The following GPRC6A variants were observed in gnomAD, a reference collection of about 807,000 sequenced individuals.
GPRC6A encodes the protein G protein-coupled receptor family C group 6 member A.
In GPRC6A, 54 loss-of-function variants were observed where a neutral mutation model predicts 47.0. That is an observed-to-expected ratio of 1.15 (90% confidence interval 0.92 to 1.44). The LOEUF is 1.44. Among genes scored for constraint, GPRC6A ranks in the 40% most tolerant of loss-of-function variants. GPRC6A has a pLI of 0.00. For missense variants in GPRC6A, 1,112 were observed against 1,105.5 expected (o/e 1.01, Z -0.08); for synonymous variants, 347 against 377.1 (o/e 0.92, Z 0.93).
chr6:116,818,969 C>T (rs931066402), intron 1 of GPRC6A, among the ~76,000 whole-genome samples: 2,048 of 152,046 alleles, frequency 0.013, 59 homozygotes, highest in African/African-American at 0.046. Context: ...ACCCATCTCA[C>T]GTGCAGAGAC....
chr6:116,804,798 C>G (rs1772787051), intron 3 of GPRC6A, among the ~76,000 whole-genome samples: 1 of 152,038 alleles, frequency 6.6e-6, no homozygotes, highest in African/African-American at 2.4e-5. Flanking sequence ...GGGTGAATAA[C>G]TCTTGCTATT....
At position 116,793,171 on chromosome 6, in the gene GPRC6A, C is replaced by T; in HGVS notation, c.1752G>A (p.Val584=). ...VRSTMCFEKE[V]EYLNWNDSLA... is the part of the protein sequence containing the mutation. ...AGGAGTCATTCCAGTTGAGATATTCCACTTCCTTTTCAAAGCACATAGTGC... is the reference window on the plus strand; with the variant it reads ...AGGAGTCATTCCAGTTGAGATATTCTACTTCCTTTTCAAAGCACATAGTGC... Residue 584 remains valine, a synonymous_variant, in exon 6 of 6, where the codon GTG becomes GTA. Coordinates refer to ENST00000310357, the MANE Select transcript of GPRC6A (RefSeq NM_148963.4). The T allele has an allele frequency of 6.2e-7, 1 of 1,613,094 alleles. No homozygotes were observed. Among genetic ancestry groups the T allele is most frequent in the Admixed American group, 1.7e-5 (1 of 59,948 alleles).
Position 116,793,003 on chromosome 6 carries a change from A to T in GPRC6A, c.1920T>A (p.His640Gln). The T allele has an allele frequency of 6.2e-7, 1 of 1,614,110 alleles. No homozygotes were observed. The highest frequency in any genetic ancestry group is 1.7e-5 in the Admixed American group (1 of 59,996). The part of the protein sequence containing the change: ...LRVCYVILLC[H>Q]FLNFASTSFF... The stretch of plus-strand genomic sequence containing the variant: ...AGCTCGTGCTGGCAAAATTGAGGAA[A>T]TGACAGAGAAGGATCACATAGCAGA... Residue 640 changes from histidine (H) to glutamine (Q), a missense_variant, in exon 6 of 6, where the codon CAT becomes CAA. By Grantham distance (24) the His-to-Gln change is conservative. Coordinates refer to ENST00000310357, the MANE Select transcript of GPRC6A (RefSeq NM_148963.4).
At position 116,800,714 on chromosome 6, in the gene GPRC6A, C is replaced by G; in HGVS notation, c.1418G>C (p.Gly473Ala). The G allele has an allele frequency of 1.2e-6, 2 of 1,611,088 alleles. No individual in the cohort carries two copies. The highest frequency in any genetic ancestry group is 1.7e-6 in the Non-Finnish European group (2 of 1,177,490). Residue 473 changes from glycine to alanine, a missense_variant, in exon 4 of 6, where the codon GGA becomes GCA. Transcript: ENST00000310357. ...CTCCTTCCAGAGCACAACATCATATCCAGTATTTAAATCCCCGTGAGCATC... is the reference window on the plus strand; with the variant it reads ...CTCCTTCCAGAGCACAACATCATATGCAGTATTTAAATCCCCGTGAGCATC... ...HFDAHGDLNT[G>A]YDVVLWKEIN...
chr6:116,822,097 C>G (rs1282585225), intron 1 of GPRC6A, among the ~76,000 whole-genome samples: 1,885 of 143,628 alleles, frequency 0.013, 19 homozygotes, highest in African/African-American at 0.049. Flanking sequence ...GCAGCCAAAA[C>G]ACACATGAAA....
At chr6:116,805,675 A>G (rs1772812541) in intron 3 of GPRC6A, among the ~76,000 whole-genome samples, 1 of 152,074 alleles carries the variant, frequency 6.6e-6, no homozygotes, top group Non-Finnish European at 1.5e-5. Flanking sequence ...AGTTTCCCCA[A>G]ACTAATCAAA....
In GPRC6A at chr6:116,793,028, A is replaced by G. The variant is rs144806246; in HGVS notation, c.1895T>C (p.Val632Ala). Residue 632 changes from valine to alanine, a missense_variant, in exon 6 of 6, where the codon GTC becomes GCC. Physicochemically the swap from Val to Ala is moderately conservative, Grantham distance 64. Coordinates refer to ENST00000310357, the MANE Select transcript of GPRC6A (RefSeq NM_148963.4). ...ATGACAGAGAAGGATCACATAGCAG[A>G]CTCTTAATCCCCCGGATGATTTCAC... ...PVVKSSGGLR[V>A]CYVILLCHFL... 71 of 1,613,820 alleles carry G rather than the reference A, an allele frequency of 4.4e-5. No individual in the cohort carries two copies. The highest frequency in any genetic ancestry group is 5.7e-5 in the Non-Finnish European group (67 of 1,179,958).
At chr6:116,814,995 A>T (rs1184830862) in intron 1 of GPRC6A, among the ~76,000 whole-genome samples, 1 of 152,182 alleles carries the variant, frequency 6.6e-6, no homozygotes, top group Non-Finnish European at 1.5e-5. Flanking sequence ...AGGTCATTAT[A>T]TAATGATAAG....
intron 4 of GPRC6A, among the ~76,000 whole-genome samples, chr6:116,800,005 C>T (rs553657810): frequency 8.5e-5 from 13 of 152,164 alleles, no homozygotes; most frequent in African/African-American, 3.1e-4. Context: ...ATAGAGTTAA[C>T]TGAAATGAGA....
rs1219543900 is a variant in GPRC6A at position 116,800,619 on chromosome 6, C to A, written c.1513G>T (p.Asp505Tyr). The part of the protein sequence containing the change: ...DLQNDVFIIP[D>Y]QETKNEFRNL... The stretch of plus-strand genomic sequence containing the variant: ...CTGAACTCATTTTTTGTTTCCTGAT[C>A]TGGGATGATGAAGACATCATTCTGT... Residue 505 changes from aspartate (D) to tyrosine (Y), a missense_variant, in exon 4 of 6, where the codon GAT becomes TAT. Asp to Tyr is a radical substitution (Grantham distance 160, BLOSUM62 -3). Coordinates refer to ENST00000310357, the MANE Select transcript of GPRC6A (RefSeq NM_148963.4). 2.5e-6 allele frequency: 4 copies of A among 1,613,468 alleles called. No individual in the cohort carries two copies. The highest frequency in any genetic ancestry group is 3.4e-6 in the Non-Finnish European group (4 of 1,179,626).
chr6:116,793,853 G>A (rs1230052923), intron 5 of GPRC6A, among the ~76,000 whole-genome samples: 1 of 152,144 alleles, frequency 6.6e-6, no homozygotes, highest in Non-Finnish European at 1.5e-5. Context: ...AAAAGCAGAG[G>A]CAATATGGCT....
chr6:116,810,511 C>T (rs549095584), intron 1 of GPRC6A, among the ~76,000 whole-genome samples: 4 of 151,934 alleles, frequency 2.6e-5, no homozygotes, highest in African/African-American at 9.6e-5. Context: ...GCACTTGTTG[C>T]TTCTTGGCCA....
At chr6:116,826,422 T>C (rs1299519099) in intron 1 of GPRC6A, among the ~76,000 whole-genome samples, 3 of 151,612 alleles carry the variant, frequency 2.0e-5, no homozygotes, top group African/African-American at 7.3e-5. Flanking sequence ...AGCCAACTGG[T>C]ATATAAAAAA....
chr6:116,817,978 C>G (rs1216760052), intron 1 of GPRC6A, among the ~76,000 whole-genome samples: 1 of 152,050 alleles, frequency 6.6e-6, no homozygotes, highest in Non-Finnish European at 1.5e-5. Flanking sequence ...TCCAGGAGAA[C>G]TTCCCCAATC....
At position 116,806,917 on chromosome 6, in the gene GPRC6A, T is replaced by C; in HGVS notation, c.788A>G (p.Lys263Arg). 6.2e-7 allele frequency: 1 copy of C among 1,613,756 alleles called. No individual in the cohort carries two copies. The highest frequency in any genetic ancestry group is 8.5e-7 in the Non-Finnish European group (1 of 1,179,822). ...AACCTGGGCTTCTAAAATGATTTTC[T>C]TCAGTGTCCGATTGATTCTGACTTC... ...TIEVRINRTLKKIILEAQVNV... is the reference protein window; with the variant it reads ...TIEVRINRTLRKIILEAQVNV... The change falls in exon 3 of 6, where the codon AAG becomes AGG. Residue 263 changes from lysine (K) to arginine (R), a missense_variant. Lys to Arg is a conservative substitution (Grantham distance 26). Transcript: ENST00000310357.
chr6:116,808,097 T>C (rs886639850), intron 2 of GPRC6A, among the ~76,000 whole-genome samples: 10 of 152,026 alleles, frequency 6.6e-5, no homozygotes, highest in African/African-American at 2.4e-4. Flanking sequence ...TCCAATAAAT[T>C]TGGGAACGTT....
At chr6:116,809,762 A>AT (rs1161663277) in intron 1 of GPRC6A, 145 bp from the exon 2 acceptor site, 1 of 580,010 alleles carries the variant, frequency 1.7e-6, no homozygotes, top group Non-Finnish European at 3.0e-6. Context: ...TTTAAAAACA[A>AT]TTTTTCATGA....
intron 5 of GPRC6A, among the ~76,000 whole-genome samples, chr6:116,793,604 G>A (rs190561359): frequency 4.5e-4 from 68 of 152,252 alleles, no homozygotes; most frequent in African/African-American, 1.5e-3. Flanking sequence ...GGAATCAGAC[G>A]TAGCTTTTCT....
chr6:116,826,905 G>T (rs1582485103), intron 1 of GPRC6A, among the ~76,000 whole-genome samples: 1 of 151,908 alleles, frequency 6.6e-6, no homozygotes, highest in East Asian at 1.9e-4. Flanking sequence ...CAGCAACATG[G>T]ATGAAACTGG....
Sources: allele counts gnomAD v4.1 joint callset (sites outside exome capture counted in the v4.1 genomes callset), GRCh38; gene constraint gnomAD v4.1.1; transcripts MANE v1.5; gene names NCBI Gene and HGNC (gene_info 2026-07-23, HGNC 2026-07-21).